CYP4F11: variants seen among roughly 807,000 people sequenced by gnomAD.
CYP4F11 encodes the protein cytochrome P450 family 4 subfamily F member 11, also known as cytochrome P450 4F11.
Under a neutral mutation model 62.2 loss-of-function variants are expected in CYP4F11, and 79 were observed. That is an observed-to-expected ratio of 1.27 (90% CI 1.06 to 1.53). CYP4F11 has a LOEUF of 1.53. Among genes scored for constraint, CYP4F11 ranks in the 40% most tolerant of loss-of-function variants. The pLI is 0.00. For synonymous variants in CYP4F11, 290 were observed against 263.7 expected (o/e 1.10, Z -0.97); for missense variants, 777 against 680.5 (o/e 1.14, Z -1.58).
At chr19:15,930,368 A>G (rs1177379395) in intron 1 of CYP4F11, among the ~76,000 whole-genome samples, 2 of 152,128 alleles carry the variant, frequency 1.3e-5, no homozygotes, top group Non-Finnish European at 2.9e-5. Flanking sequence ...TGGTGGGTGG[A>G]TCACCTGAGG....
At position 15,925,026 on chromosome 19, in the gene CYP4F11, A is replaced by G. The variant is rs954271768; in HGVS notation, c.526-144T>C. ...CATCCCCAGGAAGGACCAGCCTTGG[A>G]TAGGAGCAGAAACTGTTACTATTAG... On this transcript the variant is annotated intron_variant, in intron 4 of 11. Transcript: ENST00000402119. The G allele has an allele frequency of 5.5e-6, 5 of 914,312 alleles. No individual in the cohort carries two copies. The African/African-American group carries it at 8.5e-5, about 16-fold the overall frequency. The allele number at this position is 914,312 out of a possible 1,614,324, so 56.6% of individuals were successfully genotyped here.
intron 4 of CYP4F11, among the ~76,000 whole-genome samples, chr19:15,926,866 T>A (rs1275934328): frequency 1.7e-5 from 1 of 59,102 alleles, no homozygotes; most frequent in Admixed American, 1.6e-4. Context: ...TCTCACACAC[T>A]TGTTAAGTAT....
chr19:15,934,248 G>A lies in CYP4F11; in HGVS notation c.161C>T (p.Pro54Leu), dbSNP rs761544838. 5 of 1,613,682 alleles carry A rather than the reference G, an allele frequency of 3.1e-6. No homozygotes were observed. Among genetic ancestry groups the A allele is most frequent in the Non-Finnish European group, 4.2e-6 (5 of 1,179,816 alleles). The stretch of plus-strand genomic sequence containing the variant: ...TCCCCAAAACCAGTTCTGTTTCGGG[G>A]GTTGAGGAAAACACTGGAGGCGGCG... ...NCRRLQCFPQ[P>L]PKQNWFWGHQ... Residue 54 changes from proline (P) to leucine (L), a missense_variant, in exon 1 of 12, where the codon CCC becomes CTC. Transcript: ENST00000402119.
At chr19:15,933,263 A>G (rs145857495) in intron 1 of CYP4F11, among the ~76,000 whole-genome samples, 431 of 9,614 alleles carry the variant, frequency 0.045, 41 homozygotes, top group African/African-American at 0.12. Flanking sequence ...TGAGTGAGCG[A>G]GGAGAGGAAT....
At chr19:15,924,133 C>T in intron 5 of CYP4F11, 51 bp from the exon 6 acceptor site, 1 of 1,579,878 alleles carries the variant, frequency 6.3e-7, no homozygotes, top group Non-Finnish European at 8.6e-7. Flanking sequence ...AGGAGCACCT[C>T]TCACCAGCAG....
At position 15,934,351 on chromosome 19, in the gene CYP4F11, G is replaced by T. The variant is rs1316561224; in HGVS notation, c.58C>A (p.Leu20Met). The T allele has an allele frequency of 6.2e-6, 10 of 1,613,406 alleles. No homozygotes were observed. Among genetic ancestry groups the T allele is most frequent in the Non-Finnish European group, 7.6e-6 (9 of 1,179,670 alleles). Reference sequence around the variant, plus strand: ...GAGCCTCCAACCAGCAGCAGAAGCAGCCACGGGGATGCTGCCACGGGCCCG... The same window carrying T: ...GAGCCTCCAACCAGCAGCAGAAGCATCCACGGGGATGCTGCCACGGGCCCG... ...GLGPVAASPWLLLLLVGGSWL... is the reference protein window; with the variant it reads ...GLGPVAASPWMLLLLVGGSWL... The change falls in exon 1 of 12, where the codon CTG becomes ATG. Residue 20 changes from leucine (L) to methionine (M), a missense_variant. Leu to Met is a conservative substitution (Grantham distance 15). Coordinates refer to ENST00000402119, the MANE Select transcript of CYP4F11 (RefSeq NM_021187.4).
intron 10 of CYP4F11, 76 bp from the exon 11 acceptor site, chr19:15,914,463 C>G: frequency 1.3e-6 from 2 of 1,555,316 alleles, no homozygotes; most frequent in Non-Finnish European, 1.8e-6. Context: ...CTCCAAGACC[C>G]CCGGCCTTGG....
intron 10 of CYP4F11, 31 bp from the exon 11 acceptor site, chr19:15,914,418 T>C (rs1360615959): frequency 1.2e-6 from 2 of 1,606,456 alleles, no homozygotes; most frequent in Non-Finnish European, 1.7e-6. Context: ...GCTTGCTGGG[T>C]GGGGTCACCC....
At chr19:15,929,682 G>A (rs984068091) in intron 1 of CYP4F11, 81 bp from the exon 2 acceptor site, 68 of 1,464,798 alleles carry the variant, frequency 4.6e-5, no homozygotes, top group South Asian at 6.8e-5. Flanking sequence ...CCACGTGACC[G>A]AGCCAAGAGA....
At position 15,914,385 on chromosome 19, in the gene CYP4F11, G is replaced by C. The variant is rs1161370924; in HGVS notation, c.1317C>G (p.Val439=). Residue 439 remains valine, a splice_region_variant and synonymous_variant, in exon 11 of 12, where the codon GTC becomes GTG. Coordinates refer to ENST00000402119, the MANE Select transcript of CYP4F11 (RefSeq NM_021187.4). ...YNPTVWPDPE[V]YDPFRFDQEN... ...CTTGGTCGAAACGGAAGGGGTCGTA[G>C]ACCTGCAGGTGAGACCAAGAAGGCT... 1.2e-6 allele frequency: 2 copies of C among 1,613,734 alleles called. No individual in the cohort carries two copies. The highest frequency in any genetic ancestry group is 1.7e-6 in the Non-Finnish European group (2 of 1,179,822).
rs1568257268 is a variant in CYP4F11 at position 15,931,543 on chromosome 19, G to GGAGAGGAATGAGTGAGCGA, written c.199-1943_199-1942insTCGCTCACTCATTCCTCTC. Among the ~76,000 whole-genome samples, 4 of 68,806 alleles carry GGAGAGGAATGAGTGAGCGA rather than the reference G, an allele frequency of 5.8e-5. 1 individual carries two copies. The highest frequency in any genetic ancestry group is 5.0e-4 in the East Asian group (1 of 2,020). The allele number at this position is 68,806 out of a possible 152,430, so 45.1% of individuals were successfully genotyped here. A position where few individuals can be genotyped will look rare whatever the true frequency, so the allele number is the denominator to read the frequency against. On this transcript the variant is annotated intron_variant, in intron 1 of 11. Transcript: ENST00000402119. The stretch of plus-strand genomic sequence containing the variant: ...GGCACATCAGAGGAATGAGTGAGCG[G>GGAGAGGAATGAGTGAGCGA]GGAGAGGAATGAGTGAGCGAGGAGA...
At position 15,912,709 on chromosome 19, in the gene CYP4F11, GT is replaced by G. The variant is rs2089542730; in HGVS notation, c.*1022del. On this transcript the variant is annotated 3_prime_UTR_variant, in exon 12 of 12. Transcript: ENST00000402119. Reference sequence around the variant, plus strand: ...TATATATATATATATGTGTGTGTGTGTGTGTGTGTGTGTGTGTGTGTGTGTA... The same window carrying G: ...TATATATATATATATGTGTGTGTGTGGTGTGTGTGTGTGTGTGTGTGTGTA... 1 of 75,660 alleles carries G rather than the reference GT, an allele frequency of 1.3e-5. No individual in the cohort carries two copies. The highest frequency in any genetic ancestry group is 2.5e-5 in the Non-Finnish European group (1 of 40,530). 4.7% of individuals were successfully genotyped at this position (75,660 alleles called of 1,614,324 possible). A position where few individuals can be genotyped will look rare whatever the true frequency, so the allele number is the denominator to read the frequency against.
At chr19:15,914,530 G>T in intron 10 of CYP4F11, 72 bp downstream of exon 10, 1 of 1,592,042 alleles carries the variant, frequency 6.3e-7, no homozygotes, top group Non-Finnish European at 8.6e-7. Context: ...GATTTTCCTG[G>T]TCAAAACCCT....
chr19:15,922,053 G>A lies in CYP4F11; in HGVS notation c.1099C>T (p.Pro367Ser). Residue 367 changes from proline (P) to serine (S), a missense_variant, in exon 8 of 12, where the codon CCT becomes TCT. By Grantham distance (74) the Pro-to-Ser change is moderately conservative. Transcript: ENST00000402119. Reference protein sequence around the residue: ...EVQELLKDREPIEIEWDDLAQ... With the variant: ...EVQELLKDRESIEIEWDDLAQ... ...TGCACTCACCATTCAATCTCTATAG[G>A]TTCACGGTCCTTCAGAAGCTCTTGC... 1.2e-6 allele frequency: 2 copies of A among 1,610,874 alleles called. No homozygotes were observed. The highest frequency in any genetic ancestry group is 8.5e-7 in the Non-Finnish European group (1 of 1,178,172).
chr19:15,914,415 G>C, intron 10 of CYP4F11, 28 bp from the exon 11 acceptor site: 1 of 1,607,668 alleles, frequency 6.2e-7, no homozygotes. Context: ...AAGGCTTGCT[G>C]GGTGGGGTCA....
intron 1 of CYP4F11, 50 bp downstream of exon 1, chr19:15,934,161 G>A (rs2089756579): frequency 5.0e-6 from 8 of 1,598,326 alleles, no homozygotes; most frequent in Admixed American, 3.4e-5. Flanking sequence ...CTGCCCCTCA[G>A]GAACTCCATG....
chr19:15,914,435 G>T, intron 10 of CYP4F11, 48 bp from the exon 11 acceptor site: 2 of 1,591,648 alleles, frequency 1.3e-6, no homozygotes, highest in Non-Finnish European at 1.7e-6. Context: ...ACCCAGTTGG[G>T]TGGGGTCTCC....
chr19:15,920,834 G>A (rs1379384363), intron 8 of CYP4F11, among the ~76,000 whole-genome samples: 1 of 151,882 alleles, frequency 6.6e-6, no homozygotes, highest in African/African-American at 2.4e-5. Context: ...CCATCTCCAG[G>A]TTCATCATCT....
intron 8 of CYP4F11, among the ~76,000 whole-genome samples, 155 bp from the exon 9 acceptor site, chr19:15,915,050 A>G (rs1220499779): frequency 1.3e-5 from 2 of 152,220 alleles, no homozygotes; most frequent in Non-Finnish European, 2.9e-5. Context: ...AAAATTAGAA[A>G]AGCAGAAAAT....
Sources: gnomAD v4.1 joint callset for allele counts (sites outside exome capture counted in the v4.1 genomes callset) on GRCh38, gnomAD v4.1.1 for gene constraint, MANE v1.5 for transcripts, NCBI Gene and HGNC (gene_info 2026-07-23, HGNC 2026-07-21) for gene names.